AP1G1: variants seen among roughly 807,000 people sequenced by gnomAD.
AP1G1 encodes the protein adaptor related protein complex 1 subunit gamma 1.
A neutral mutation model predicts 108.3 loss-of-function variants in AP1G1; 7 were observed. The observed-to-expected ratio is 0.06, with a 90% CI of 0.04 to 0.12. The LOEUF is 0.12. AP1G1 is among the 10% of genes least tolerant of loss of function. The pLI, the probability that AP1G1 is intolerant of heterozygous loss-of-function variation, is 1.00. For synonymous variants in AP1G1, 379 were observed against 353.5 expected (o/e 1.07, Z -0.81); for missense variants, 756 against 1,010.7 (o/e 0.75, Z 3.42).
At chr16:71,776,872 G>A (rs1240219986) in intron 2 of AP1G1, among the ~76,000 whole-genome samples, 1 of 151,656 alleles carries the variant, frequency 6.6e-6, no homozygotes, top group Admixed American at 6.6e-5. Context: ...CACTTTGGGA[G>A]GCCAAGGTGG....
intron 2 of AP1G1, among the ~76,000 whole-genome samples, chr16:71,785,911 C>T (rs182079790): frequency 6.6e-6 from 1 of 152,024 alleles, no homozygotes; most frequent in African/African-American, 2.4e-5. Context: ...TATTATTATA[C>T]ACTAAATGAA....
chr16:71,791,237 A>C (rs573062586), intron 1 of AP1G1, among the ~76,000 whole-genome samples: 37 of 150,732 alleles, frequency 2.5e-4, no homozygotes, highest in South Asian at 1.3e-3. Context: ...AAAAAAAAAA[A>C]CAAAAAAAAC....
chr16:71,739,903 G>C (rs891815108), intron 19 of AP1G1, among the ~76,000 whole-genome samples: 1 of 152,060 alleles, frequency 6.6e-6, no homozygotes, highest in Non-Finnish European at 1.5e-5. Context: ...ATAAAAACAC[G>C]CAAGTCACAA....
chr16:71,760,036 G>A (rs2031002116), intron 10 of AP1G1, among the ~76,000 whole-genome samples: 1 of 151,848 alleles, frequency 6.6e-6, no homozygotes, highest in South Asian at 2.1e-4. Flanking sequence ...TTTTATTTAT[G>A]TATTTATTTT....
intron 6 of AP1G1, among the ~76,000 whole-genome samples, chr16:71,766,688 G>C (rs987948506): frequency 2.0e-5 from 3 of 152,034 alleles, no homozygotes; most frequent in Admixed American, 2.0e-4. Context: ...TACTCCCCAA[G>C]CCTAAAAGGG....
intron 6 of AP1G1, 157 bp from the exon 7 acceptor site, chr16:71,765,741 A>G: frequency 1.6e-6 from 1 of 606,096 alleles, no homozygotes; most frequent in Middle Eastern, 2.7e-4. Context: ...TGATAAACTT[A>G]GGAGTAACTT....
Position 71,783,104 on chromosome 16 carries a change from T to C in AP1G1, c.201+6175A>G, listed in dbSNP as rs1056593404. On this transcript the variant is annotated intron_variant, in intron 2 of 22. Transcript: ENST00000299980. Reference sequence around the variant, plus strand: ...TTATTTTAAGAAAAAAATTCCTTAATGTGAGAAAGCGTGTCTACTAAACCC... The same window carrying C: ...TTATTTTAAGAAAAAAATTCCTTAACGTGAGAAAGCGTGTCTACTAAACCC... Among the ~76,000 whole-genome samples, 6 of 152,332 alleles carry C rather than the reference T, an allele frequency of 3.9e-5. No individual in the cohort carries two copies. In the East Asian group the frequency reaches 1.2e-3, roughly 29 times the overall value.
intron 1 of AP1G1, among the ~76,000 whole-genome samples, chr16:71,802,881 T>C (rs753436035): frequency 2.2e-4 from 33 of 152,086 alleles, no homozygotes; most frequent in Non-Finnish European, 4.0e-4. Context: ...TATTTTTAGG[T>C]TGAGAAAACA....
At chr16:71,767,760 T>C in intron 6 of AP1G1, 3 of 1,027,128 alleles carry the variant, frequency 2.9e-6, no homozygotes, top group South Asian at 1.4e-5. Flanking sequence ...TAACTCACAG[T>C]ATTAAGCACA....
chr16:71,780,871 C>T (rs190374938), intron 2 of AP1G1, among the ~76,000 whole-genome samples: 16 of 150,136 alleles, frequency 1.1e-4, no homozygotes, highest in East Asian at 2.0e-4. Context: ...CAGGCTGGAG[C>T]GGGGTTTCAC....
Position 71,746,662 on chromosome 16 carries a change from T to C in AP1G1, c.1656A>G (p.Gly552=). The C allele has an allele frequency of 6.2e-7, 1 of 1,612,882 alleles. No individual in the cohort carries two copies. Among genetic ancestry groups the C allele is most frequent in the Non-Finnish European group, 8.5e-7 (1 of 1,179,572 alleles). ...GCTGGAGTTCCACATCAATGCTGCTTCCGTAGATGGAAACCACTTTCTTAA... is the reference window on the plus strand; with the variant it reads ...GCTGGAGTTCCACATCAATGCTGCTCCCGTAGATGGAAACCACTTTCTTAA... ...NRIKKVVSIY[G]SSIDVELQQR... Residue 552 remains glycine (G), a synonymous_variant, in exon 17 of 23, where the codon GGA becomes GGG. Coordinates refer to ENST00000299980, the MANE Select transcript of AP1G1 (RefSeq NM_001128.6).
intron 21 of AP1G1, among the ~76,000 whole-genome samples, chr16:71,736,117 A>AAAAAAAAAAATAT (rs1555550846): frequency 3.1e-4 from 22 of 71,628 alleles, no homozygotes; most frequent in African/African-American, 1.1e-3. Context: ...AAAAAAAAAA[A>AAAAAAAAAAATAT]ATATATATAT....
intron 12 of AP1G1, 53 bp downstream of exon 12, chr16:71,755,966 C>A (rs956925991): frequency 3.8e-6 from 6 of 1,572,646 alleles, no homozygotes; most frequent in Non-Finnish European, 5.2e-6. Context: ...TTTAAAGACA[C>A]TTCCAAAAGT....
At chr16:71,742,135 T>C (rs2029897702) in intron 19 of AP1G1, 3 of 152,168 alleles carry the variant, frequency 2.0e-5, no homozygotes, top group Admixed American at 2.0e-4. Flanking sequence ...TTTAACATTT[T>C]ATCATTTTGC....
chr16:71,795,931 T>C (rs144428103), intron 1 of AP1G1, among the ~76,000 whole-genome samples: 2 of 152,266 alleles, frequency 1.3e-5, no homozygotes, highest in South Asian at 2.1e-4. Flanking sequence ...ACTGTTTGAA[T>C]AGGAGAGATT....
intron 2 of AP1G1, among the ~76,000 whole-genome samples, chr16:71,784,244 G>T (rs2032122735): frequency 6.6e-6 from 1 of 152,166 alleles, no homozygotes; most frequent in Admixed American, 6.5e-5. Context: ...TAGGCATTAA[G>T]ATTGTCCCCA....
chr16:71,803,900 G>C (rs1280618821), intron 1 of AP1G1, among the ~76,000 whole-genome samples: 1 of 145,548 alleles, frequency 6.9e-6, no homozygotes, highest in Non-Finnish European at 1.5e-5. Flanking sequence ...CTCCAGCCTG[G>C]GCAACAGAGG....
chr16:71,759,456 G>A (rs1239140723), intron 10 of AP1G1, among the ~76,000 whole-genome samples: 1 of 151,544 alleles, frequency 6.6e-6, no homozygotes, highest in East Asian at 1.9e-4. Context: ...GCGAGACTCT[G>A]TCTCAAAAAA....
At chr16:71,782,689 T>C (rs1387309418) in intron 2 of AP1G1, among the ~76,000 whole-genome samples, 2 of 151,978 alleles carry the variant, frequency 1.3e-5, no homozygotes, top group African/African-American at 2.4e-5. Flanking sequence ...GGTTTCATCA[T>C]GTTGGCCAGG....
Sources: allele counts gnomAD v4.1 joint callset (sites outside exome capture counted in the v4.1 genomes callset), GRCh38; gene constraint gnomAD v4.1.1; transcripts MANE v1.5; gene names NCBI Gene and HGNC (gene_info 2026-07-23, HGNC 2026-07-21).